The following TFEC variants were observed in gnomAD, a reference collection of about 807,000 sequenced individuals.
TFEC encodes class E basic helix-loop-helix protein 34.
TFEC carries 31 observed loss-of-function variants against 41.6 expected under a neutral mutation model. The ratio of observed to expected loss-of-function variants is 0.74; its 90% CI spans 0.56 to 1.01. The LOEUF (loss-of-function observed/expected upper bound fraction) is 1.01. Ranked by LOEUF, TFEC falls within the 50% of genes least tolerant of loss-of-function variation. The probability of loss-of-function intolerance (pLI) is 0.00; values close to 1 mark genes in which losing one functional copy is unlikely to be tolerated. For synonymous variants in TFEC, 143 were observed against 140.6 expected, an observed-to-expected ratio of 1.02 and a Z score of -0.12; for missense variants, 402 against 404.1, an observed-to-expected ratio of 0.99 and a Z score of 0.04.
chr7:116,094,341 G>A (rs4433082), intron 3 of TFEC, among the ~76,000 whole-genome samples: 23,756 of 152,124 alleles, frequency 0.16, 2,013 homozygotes, highest in East Asian at 0.33. Context: ...TTAGTTTTTC[G>A]TAAGTACTAC....
chr7:116,132,955 A>G (rs1798361751), intron 1 of TFEC, among the ~76,000 whole-genome samples: 1 of 152,178 alleles, frequency 6.6e-6, no homozygotes, highest in Non-Finnish European at 1.5e-5. Flanking sequence ...CCTCTTTTCA[A>G]TACATTGTCA....
chr7:115,994,877 G>A (rs554661376), intron 1 of TFEC, among the ~76,000 whole-genome samples: 13 of 152,020 alleles, frequency 8.6e-5, no homozygotes, highest in East Asian at 1.9e-4. Flanking sequence ...AAATCATGCC[G>A]CTATAAAGAC....
At chr7:116,072,095 G>GT (rs1176917807) in intron 3 of TFEC, among the ~76,000 whole-genome samples, 1 of 151,298 alleles carries the variant, frequency 6.6e-6, no homozygotes, top group East Asian at 1.9e-4. Context: ...AATTAAATAA[G>GT]TTAATTTTTA....
chr7:116,118,454 A>AAAGC (rs1301790706), intron 1 of TFEC, among the ~76,000 whole-genome samples: 1 of 151,864 alleles, frequency 6.6e-6, no homozygotes, highest in Non-Finnish European at 1.5e-5. Context: ...TGCATCATAA[A>AAAGC]AAGCTAAAAC....
intron 3 of TFEC, among the ~76,000 whole-genome samples, chr7:116,063,006 A>G (rs954014834): frequency 2.0e-5 from 3 of 152,226 alleles, no homozygotes; most frequent in African/African-American, 7.2e-5. Flanking sequence ...ATATTTATAA[A>G]AGCATGATTG....
intron 3 of TFEC, among the ~76,000 whole-genome samples, chr7:116,055,842 T>G (rs1796417039): frequency 6.6e-6 from 1 of 152,012 alleles, no homozygotes; most frequent in African/African-American, 2.4e-5. Context: ...CTATTATTGT[T>G]TCTGTGTTCT....
intron 3 of TFEC, among the ~76,000 whole-genome samples, chr7:116,101,177 C>A: frequency 7.6e-6 from 1 of 131,298 alleles, no homozygotes; most frequent in African/African-American, 2.8e-5. Flanking sequence ...ACCAATGTCC[C>A]CCACTTTCAT....
At chr7:115,970,195 G>A (rs889509531) in intron 3 of TFEC, among the ~76,000 whole-genome samples, 1 of 151,914 alleles carries the variant, frequency 6.6e-6, no homozygotes, top group African/African-American at 2.4e-5. Context: ...TAAAATGAGT[G>A]AAAAATCAGA....
chr7:116,012,322 T>C (rs1009363976), intron 1 of TFEC, among the ~76,000 whole-genome samples: 2 of 152,214 alleles, frequency 1.3e-5, no homozygotes, highest in African/African-American at 4.8e-5. Context: ...GTTTAGATGA[T>C]GTTTTACACT....
At chr7:115,942,116 AT>A in intron 6 of TFEC, 76 bp from the exon 7 acceptor site, 1 of 1,408,162 alleles carries the variant, frequency 7.1e-7, no homozygotes, top group South Asian at 1.6e-5. Flanking sequence ...AATCTTTTAC[AT>A]TAATATGAAA....
At chr7:116,091,725 C>G (rs1474250544) in intron 3 of TFEC, among the ~76,000 whole-genome samples, 1 of 151,836 alleles carries the variant, frequency 6.6e-6, no homozygotes, top group Non-Finnish European at 1.5e-5. Context: ...ATTTCTTAAC[C>G]CAATTTACAG....
intron 1 of TFEC, among the ~76,000 whole-genome samples, chr7:116,009,939 C>T (rs1243929996): frequency 1.3e-5 from 2 of 152,132 alleles, no homozygotes; most frequent in African/African-American, 2.4e-5. Flanking sequence ...AGGAAAAGGA[C>T]ATTGTCTACA....
At chr7:116,007,274 A>G (rs1794835258) in intron 1 of TFEC, among the ~76,000 whole-genome samples, 1 of 152,182 alleles carries the variant, frequency 6.6e-6, no homozygotes, top group Non-Finnish European at 1.5e-5. Flanking sequence ...CTAAACCAAC[A>G]CAAAGATGAT....
At chr7:116,100,682 C>T (rs1410931478) in intron 3 of TFEC, among the ~76,000 whole-genome samples, 1 of 152,024 alleles carries the variant, frequency 6.6e-6, no homozygotes, top group East Asian at 1.9e-4. Context: ...TATGTCAATT[C>T]CAATATTCCT....
intron 1 of TFEC, among the ~76,000 whole-genome samples, chr7:116,020,491 T>C (rs1197021132): frequency 6.6e-6 from 1 of 152,210 alleles, no homozygotes; most frequent in Non-Finnish European, 1.5e-5. Flanking sequence ...CCCTATAGCA[T>C]TCTTTAAACT....
At position 116,114,114 on chromosome 7, in the gene TFEC, G is replaced by A. The variant is rs1264229943; in HGVS notation, c.-68-2076C>T. 2.6e-5 allele frequency among the ~76,000 whole-genome samples: 4 copies of A among 151,974 alleles called. No homozygotes were observed. The South Asian group carries it at 8.3e-4, about 31-fold the overall frequency. On this transcript the variant is annotated intron_variant, in intron 1 of 8. Transcript: ENST00000484212. ...TATAATTTAGTAACCATTATTAATA[G>A]TAATTTGATACTTTAAACTTCAAAC... is the stretch of plus-strand genomic sequence containing the variant.
intron 3 of TFEC, among the ~76,000 whole-genome samples, chr7:116,041,839 C>T (rs1796044466): frequency 6.6e-6 from 1 of 152,134 alleles, no homozygotes; most frequent in Admixed American, 6.6e-5. Flanking sequence ...CACATGCAAA[C>T]ATTGTGGCTG....
chr7:115,988,964 T>C lies in TFEC; in HGVS notation c.-72-4451A>G, dbSNP rs368213230. ...GAGAGGAATTAAATACTTAAGGGAT[T>C]GAGGGGGAAAAAACCCACCAACCTA... On this transcript the variant is annotated intron_variant, in intron 1 of 7. Transcript: ENST00000265440. 3.3e-5 allele frequency among the ~76,000 whole-genome samples: 5 copies of C among 152,222 alleles called. 1 individual carries two copies. The highest frequency in any genetic ancestry group is 9.6e-5 in the African/African-American group (4 of 41,556).
At position 116,109,115 on chromosome 7, in the gene TFEC, A is replaced by G. The variant is rs1026075020; in HGVS notation, c.198+1593T>C. ...TTAAATGTTAGACCTAAAACCATAA[A>G]AACCCTAGAAGAAAACCTAGGCAAT... On this transcript the variant is annotated intron_variant, in intron 3 of 8. Coordinates refer to the TFEC transcript ENST00000484212. Among the ~76,000 whole-genome samples the G allele has an allele frequency of 3.3e-5, 5 of 151,952 alleles. No homozygotes were observed. In the South Asian group the frequency reaches 1.0e-3, roughly 32 times the overall value.
Sources: allele counts gnomAD v4.1 joint callset (sites outside exome capture counted in the v4.1 genomes callset), GRCh38; gene constraint gnomAD v4.1.1; transcripts MANE v1.5; gene names NCBI Gene and HGNC (gene_info 2026-07-23, HGNC 2026-07-21).